ANXA10: variants seen among roughly 807,000 people sequenced by gnomAD.
The protein encoded by ANXA10 is annexin 14.
In ANXA10, 49 loss-of-function variants were observed where a neutral mutation model predicts 53.5. The ratio of observed to expected loss-of-function variants is 0.92; its 90% CI spans 0.73 to 1.16. The LOEUF (loss-of-function observed/expected upper bound fraction) is 1.16, where lower values mean the gene tolerates loss of function less well. Among genes scored for constraint, ANXA10 ranks in the 50% most tolerant of loss-of-function variants. The pLI, the probability that ANXA10 is intolerant of heterozygous loss-of-function variation, is 0.00. For missense variants in ANXA10, 393 were observed against 394.4 expected (o/e 1.00, Z 0.03); for synonymous variants, 131 against 128.9 (o/e 1.02, Z -0.11).
At chr4:168,121,675 T>C (rs1001744859) in intron 1 of ANXA10, among the ~76,000 whole-genome samples, 3 of 152,230 alleles carry the variant, frequency 2.0e-5, no homozygotes, top group African/African-American at 7.2e-5. Context: ...TTCATTGTTT[T>C]AGAATATTAA....
At chr4:168,149,300 C>A (rs1323416477) in intron 3 of ANXA10, among the ~76,000 whole-genome samples, 1 of 152,152 alleles carries the variant, frequency 6.6e-6, no homozygotes, top group Non-Finnish European at 1.5e-5. Context: ...CTTTATGTTA[C>A]CATATAAATA....
intron 1 of ANXA10, among the ~76,000 whole-genome samples, chr4:168,093,945 T>G (rs1399104192): frequency 6.6e-6 from 1 of 152,158 alleles, no homozygotes; most frequent in East Asian, 1.9e-4. Context: ...TATTGTTTTA[T>G]TAATTGTAAG....
chr4:168,113,498 C>T (rs150027049), intron 1 of ANXA10, among the ~76,000 whole-genome samples: 1 of 152,320 alleles, frequency 6.6e-6, no homozygotes, highest in East Asian at 1.9e-4. Flanking sequence ...CACAATGGTG[C>T]CTTGAACTTT....
At chr4:168,108,471 T>C (rs971757722) in intron 1 of ANXA10, among the ~76,000 whole-genome samples, 9 of 152,186 alleles carry the variant, frequency 5.9e-5, no homozygotes, top group African/African-American at 1.4e-4. Context: ...GGGACCATTA[T>C]AGGTTTTTAG....
At chr4:168,094,572 A>G (rs1165328993) in intron 1 of ANXA10, among the ~76,000 whole-genome samples, 1 of 152,094 alleles carries the variant, frequency 6.6e-6, no homozygotes. Context: ...TAATGTGGGT[A>G]GTAATTGACT....
intron 6 of ANXA10, among the ~76,000 whole-genome samples, chr4:168,176,095 T>G (rs576910937): frequency 3.3e-5 from 5 of 151,306 alleles, no homozygotes; most frequent in Admixed American, 6.6e-5. Context: ...GGTAGAGAGA[T>G]GTGTGTGTGT....
At chr4:168,182,521 G>C (rs1388435239) in intron 10 of ANXA10, among the ~76,000 whole-genome samples, 1 of 148,776 alleles carries the variant, frequency 6.7e-6, no homozygotes, top group Non-Finnish European at 1.5e-5. Flanking sequence ...TTTTAGTAGA[G>C]ACGGGGTTTC....
Position 168,177,965 on chromosome 4 carries a change from T to C in ANXA10, c.610T>C (p.Tyr204His). 1.2e-6 allele frequency: 2 copies of C among 1,613,646 alleles called. No individual in the cohort carries two copies. The highest frequency in any genetic ancestry group is 1.7e-6 in the Non-Finnish European group (2 of 1,179,998). ...MLQMILCNKSYQQLRLVFQEF... is the reference protein window; with the variant it reads ...MLQMILCNKSHQQLRLVFQEF... Reference sequence around the variant, plus strand: ...GCAAATGATCCTGTGCAACAAGAGCTACCAGCAGCTGCGGCTGGGTAATTA... The same window carrying C: ...GCAAATGATCCTGTGCAACAAGAGCCACCAGCAGCTGCGGCTGGGTAATTA... The change falls in exon 8 of 12, where the codon TAC becomes CAC. Residue 204 changes from tyrosine to histidine, a missense_variant. Transcript: ENST00000359299.
chr4:168,148,174 AT>A (rs35381933), intron 3 of ANXA10, among the ~76,000 whole-genome samples: 47,109 of 142,882 alleles, frequency 0.33, 8,529 homozygotes, highest in African/African-American at 0.53. Flanking sequence ...ATATGTGACA[AT>A]TTTTTTTTTT....
chr4:168,093,308 C>A (rs1730489977), intron 1 of ANXA10, among the ~76,000 whole-genome samples: 1 of 151,416 alleles, frequency 6.6e-6, no homozygotes, highest in South Asian at 2.1e-4. Flanking sequence ...TGAATAGAAG[C>A]AATGTATAAC....
At chr4:168,117,835 G>C (rs923672736) in intron 1 of ANXA10, among the ~76,000 whole-genome samples, 5 of 152,104 alleles carry the variant, frequency 3.3e-5, no homozygotes, top group African/African-American at 1.2e-4. Flanking sequence ...TATCCCAGCA[G>C]CTCAGGCACA....
chr4:168,124,461 G>A (rs1731037232), intron 1 of ANXA10, among the ~76,000 whole-genome samples: 1 of 152,122 alleles, frequency 6.6e-6, no homozygotes, highest in Admixed American at 6.6e-5. Flanking sequence ...AGGTCATGAA[G>A]AATATTGTAT....
At chr4:168,167,347 A>T (rs2149478129) in intron 6 of ANXA10, among the ~76,000 whole-genome samples, 1 of 152,296 alleles carries the variant, frequency 6.6e-6, no homozygotes, top group Admixed American at 6.5e-5. Flanking sequence ...TATGTAACAC[A>T]CTTTATTGTA....
At position 168,127,817 on chromosome 4, in the gene ANXA10, C is replaced by CTTTTTTTTTTTTTTTTT. The variant is rs766782048; in HGVS notation, c.19-256_19-240dup. On this transcript the variant is annotated intron_variant, in intron 1 of 11. Transcript: ENST00000359299. ...TTTGTCTGGAAAACAATGTTGAAAC[C>CTTTTTTTTTTTTTTTTT]TTTTTTTTTTTTTTTTTTTTTTTTT... is the stretch of plus-strand genomic sequence containing the variant. 1.1e-4 allele frequency: 17 copies of CTTTTTTTTTTTTTTTTT among 149,038 alleles called. 5 individuals are homozygous for CTTTTTTTTTTTTTTTTT. The highest frequency in any genetic ancestry group is 9.0e-4 in the African/African-American group (10 of 11,088). 9.2% of individuals were successfully genotyped at this position (149,038 alleles called of 1,614,324 possible). A position where few individuals can be genotyped will look rare whatever the true frequency, so the allele number is the denominator to read the frequency against.
At chr4:168,173,581 G>A (rs1732058573) in intron 6 of ANXA10, among the ~76,000 whole-genome samples, 1 of 152,212 alleles carries the variant, frequency 6.6e-6, no homozygotes, top group African/African-American at 2.4e-5. Flanking sequence ...CGGACCCATA[G>A]GAGAGCATTG....
chr4:168,162,764 A>G (rs1054026468), intron 4 of ANXA10, 123 bp downstream of exon 4: 48 of 746,576 alleles, frequency 6.4e-5, no homozygotes, highest in Middle Eastern at 3.0e-4. Flanking sequence ...GAATATCTAA[A>G]CAATGATGTA....
At chr4:168,155,801 A>T (rs755898566) in intron 3 of ANXA10, among the ~76,000 whole-genome samples, 312 of 13,154 alleles carry the variant, frequency 0.024, 42 homozygotes, top group African/African-American at 0.078. Context: ...TATAATATAT[A>T]ATATATGATA....
intron 3 of ANXA10, among the ~76,000 whole-genome samples, chr4:168,151,569 A>G (rs753530095): frequency 3.1e-4 from 47 of 152,218 alleles, no homozygotes; most frequent in Non-Finnish European, 1.8e-4. Context: ...TTCGGAATAC[A>G]GGAAAGCAGA....
intron 1 of ANXA10, among the ~76,000 whole-genome samples, chr4:168,123,827 C>A (rs1360025864): frequency 6.6e-6 from 1 of 151,984 alleles, no homozygotes; most frequent in Admixed American, 6.5e-5. Flanking sequence ...AACCTTTTAA[C>A]AAATGTTAAT....
Sources: gnomAD v4.1 joint callset for allele counts (sites outside exome capture counted in the v4.1 genomes callset) on GRCh38, gnomAD v4.1.1 for gene constraint, MANE v1.5 for transcripts, NCBI Gene and HGNC (gene_info 2026-07-23, HGNC 2026-07-21) for gene names.